The following CDH6 variants were observed in gnomAD, a reference collection of about 807,000 sequenced individuals.
CDH6 encodes the protein cadherin-6.
In CDH6, 31 loss-of-function variants were observed where a neutral mutation model predicts 78.0. The observed-to-expected ratio is 0.40, with a 90% CI of 0.30 to 0.54. The LOEUF (loss-of-function observed/expected upper bound fraction) is 0.54, where lower values mean the gene tolerates loss of function less well. CDH6 is among the 20% of genes least tolerant of loss of function. The pLI is 0.56. For synonymous variants in CDH6, 376 were observed against 368.8 expected (o/e 1.02, Z -0.23); for missense variants, 724 against 975.9 (o/e 0.74, Z 3.44).
intron 1 of CDH6, among the ~76,000 whole-genome samples, chr5:31,242,704 G>C (rs556524092): frequency 6.6e-5 from 10 of 150,874 alleles, no homozygotes; most frequent in Non-Finnish European, 1.3e-4. Flanking sequence ...ATAAGAATGG[G>C]GGGGGGCGGT....
intron 1 of CDH6, among the ~76,000 whole-genome samples, chr5:31,204,440 A>G (rs1349108274): frequency 2.0e-5 from 3 of 152,206 alleles, no homozygotes; most frequent in African/African-American, 4.8e-5. Flanking sequence ...AAGCAACATA[A>G]GAGTAAAGTG....
At chr5:31,260,657 C>T (rs944879555) in intron 1 of CDH6, among the ~76,000 whole-genome samples, 1 of 152,128 alleles carries the variant, frequency 6.6e-6, no homozygotes, top group African/African-American at 2.4e-5. Context: ...AACAGATTGG[C>T]CTATTATCCA....
chr5:31,317,294 G>T lies in CDH6; in HGVS notation c.1513-81G>T, dbSNP rs1402827382. Reference sequence around the variant, plus strand: ...TATAATTAAATTTTTAAATCATTTTGTCAAGCAATTTATTGCAAAACGGTA... The same window carrying T: ...TATAATTAAATTTTTAAATCATTTTTTCAAGCAATTTATTGCAAAACGGTA... On this transcript the variant is annotated intron_variant, in intron 9 of 11. Transcript: ENST00000265071. 7.0e-6 allele frequency: 5 copies of T among 719,354 alleles called. No individual in the cohort carries two copies. The East Asian group carries it at 1.2e-4, about 18-fold the overall frequency. The allele number at this position is 719,354 out of a possible 1,614,324, so 44.6% of individuals were successfully genotyped here.
At chr5:31,226,803 G>A (rs906930342) in intron 1 of CDH6, among the ~76,000 whole-genome samples, 5 of 152,146 alleles carry the variant, frequency 3.3e-5, no homozygotes, top group South Asian at 2.1e-4. Flanking sequence ...CTGCAAATAC[G>A]TTGTGAAAAA....
intron 6 of CDH6, among the ~76,000 whole-genome samples, chr5:31,302,778 A>AAGAGAGAG (rs766671272): frequency 4.6e-5 from 3 of 64,560 alleles, no homozygotes; most frequent in Non-Finnish European, 6.9e-5. Context: ...AGAAAGAAGA[A>AAGAGAGAG]AGAGAGAGAG....
rs374859422 is a variant in CDH6, at chr5:31,290,095, A to G, written c.229-3867A>G. On this transcript the variant is annotated intron_variant, in intron 2 of 11. Coordinates refer to ENST00000265071, the MANE Select transcript of CDH6 (RefSeq NM_004932.4). ...AACATGGTAAAACTCTGTCTCTACT[A>G]AAAATACACAAAAAATTAGCCAGGT... Among the ~76,000 whole-genome samples, 34 of 152,254 alleles carry G rather than the reference A, an allele frequency of 2.2e-4. No homozygotes were observed. In the East Asian group the frequency reaches 6.4e-3, roughly 29 times the overall value.
At chr5:31,227,519 TC>T (rs947096015) in intron 1 of CDH6, among the ~76,000 whole-genome samples, 3 of 152,146 alleles carry the variant, frequency 2.0e-5, no homozygotes, top group Admixed American at 6.5e-5. Context: ...CCTGGCTTTT[TC>T]CCAGCGTTCT....
chr5:31,273,672 T>G (rs1359918183), intron 2 of CDH6, among the ~76,000 whole-genome samples: 1 of 152,188 alleles, frequency 6.6e-6, no homozygotes, highest in African/African-American at 2.4e-5. Context: ...GTTCAATGAT[T>G]GCATTCTACG....
At position 31,326,983 on chromosome 5, in the gene CDH6, C is replaced by G. The variant is rs529996159; in HGVS notation, c.*3675C>G. 3 of 170,266 alleles carry G rather than the reference C, an allele frequency of 1.8e-5. No homozygotes were observed. Among genetic ancestry groups the G allele is most frequent in the African/African-American group, 4.7e-5 (2 of 42,158 alleles). 10.5% of individuals were successfully genotyped at this position (170,266 alleles called of 1,614,324 possible). A position where few individuals can be genotyped will look rare whatever the true frequency, so the allele number is the denominator to read the frequency against. On this transcript the variant is annotated 3_prime_UTR_variant, in exon 12 of 12. Transcript: ENST00000265071. Reference sequence around the variant, plus strand: ...TGCTGGGATTACAGGCGTGAGCCACCGCGCCCGGCCTTAAAAATTGAATCT... The same window carrying G: ...TGCTGGGATTACAGGCGTGAGCCACGGCGCCCGGCCTTAAAAATTGAATCT...
intron 1 of CDH6, among the ~76,000 whole-genome samples, chr5:31,225,365 A>G (rs561309815): frequency 6.6e-6 from 1 of 152,206 alleles, no homozygotes; most frequent in Non-Finnish European, 1.5e-5. Context: ...CTCTTACTAT[A>G]GACACAACAT....
At chr5:31,240,954 C>A (rs1007933710) in intron 1 of CDH6, among the ~76,000 whole-genome samples, 19 of 152,178 alleles carry the variant, frequency 1.2e-4, no homozygotes, top group Non-Finnish European at 4.4e-5. Flanking sequence ...CCAGGCTAGT[C>A]CTGTCCAATT....
chr5:31,293,162 G>C (rs1737457518), intron 2 of CDH6, among the ~76,000 whole-genome samples: 2 of 151,926 alleles, frequency 1.3e-5, no homozygotes, highest in African/African-American at 4.8e-5. Context: ...ACCTTTAGGA[G>C]CAGGGAACTC....
At chr5:31,245,513 A>G (rs192268882) in intron 1 of CDH6, among the ~76,000 whole-genome samples, 8 of 151,844 alleles carry the variant, frequency 5.3e-5, no homozygotes, top group Admixed American at 5.3e-4. Context: ...TACCTCTGCA[A>G]TTTCCACAAC....
chr5:31,212,760 G>A (rs1202522920), intron 1 of CDH6, among the ~76,000 whole-genome samples: 3 of 148,224 alleles, frequency 2.0e-5, no homozygotes, highest in South Asian at 2.1e-4. Flanking sequence ...TCACATGAAC[G>A]TGCACACACA....
intron 1 of CDH6, among the ~76,000 whole-genome samples, chr5:31,200,323 G>C (rs1338818288): frequency 6.6e-6 from 1 of 152,014 alleles, no homozygotes; most frequent in African/African-American, 2.4e-5. Flanking sequence ...ATTGCATTGA[G>C]AGGGGAGGGA....
Position 31,243,413 on chromosome 5 carries a change from G to T in CDH6, c.-128-23933G>T, listed in dbSNP as rs553185970. On this transcript the variant is annotated intron_variant, in intron 1 of 11. Coordinates refer to ENST00000265071, the MANE Select transcript of CDH6 (RefSeq NM_004932.4). ...CAAGGAAGCACAGGGGGTGGTTGGG[G>T]TTTCAGAATATTCAGCTCATCGGAA... is the stretch of plus-strand genomic sequence containing the variant. Among the ~76,000 whole-genome samples, 3 of 152,290 alleles carry T rather than the reference G, an allele frequency of 2.0e-5. No individual in the cohort carries two copies. The South Asian group carries it at 6.2e-4, about 32-fold the overall frequency.
At chr5:31,245,068 CAG>C (rs1741705447) in intron 1 of CDH6, among the ~76,000 whole-genome samples, 3 of 152,150 alleles carry the variant, frequency 2.0e-5, no homozygotes, top group Admixed American at 1.3e-4. Flanking sequence ...AGAGAGGAAA[CAG>C]AAGAACCACA....
At position 31,220,837 on chromosome 5, in the gene CDH6, G is replaced by A. The variant is rs117580051; in HGVS notation, c.-129+26951G>A. Among the ~76,000 whole-genome samples, 174 of 152,280 alleles carry A rather than the reference G, an allele frequency of 1.1e-3. 6 individuals are homozygous for A. In the East Asian group the frequency reaches 0.028, roughly 25 times the overall value. On this transcript the variant is annotated intron_variant, in intron 1 of 11. Coordinates refer to ENST00000265071, the MANE Select transcript of CDH6 (RefSeq NM_004932.4). ...GTGGGAAGATGAAAACTGGCCAAGA[G>A]TCCCAGGAAGAGGGGTCAGCATGGG...
intron 1 of CDH6, among the ~76,000 whole-genome samples, chr5:31,242,975 T>G (rs1741647187): frequency 6.6e-6 from 1 of 152,178 alleles, no homozygotes; most frequent in East Asian, 1.9e-4. Context: ...AGTCTTTGGA[T>G]TCCTGCTACT....
Sources: gnomAD v4.1 joint callset for allele counts (sites outside exome capture counted in the v4.1 genomes callset) on GRCh38, gnomAD v4.1.1 for gene constraint, MANE v1.5 for transcripts, NCBI Gene and HGNC (gene_info 2026-07-23, HGNC 2026-07-21) for gene names.